Variants in SLC4A10 observed in about 807,000 individuals in gnomAD.
SLC4A10 encodes sodium-driven chloride bicarbonate exchanger.
Under a neutral mutation model 137.7 loss-of-function variants are expected in SLC4A10, and 42 were observed. The ratio of observed to expected loss-of-function variants is 0.30; its 90% CI spans 0.24 to 0.39. The LOEUF is 0.39. SLC4A10 is among the 10% of genes least tolerant of loss of function. SLC4A10 has a pLI of 1.00. For synonymous variants in SLC4A10, 474 were observed against 464.1 expected (o/e 1.02, Z -0.27); for missense variants, 925 against 1,355.0 (o/e 0.68, Z 4.98).
intron 1 of SLC4A10, among the ~76,000 whole-genome samples, chr2:161,641,251 A>G (rs1302607341): frequency 6.6e-6 from 1 of 152,094 alleles, no homozygotes; most frequent in Non-Finnish European, 1.5e-5. Context: ...ATTTTTATGT[A>G]CTTTCATTTA....
At chr2:161,889,042 C>T (rs998205972) in intron 10 of SLC4A10, among the ~76,000 whole-genome samples, 8 of 152,122 alleles carry the variant, frequency 5.3e-5, no homozygotes, top group African/African-American at 1.7e-4. Flanking sequence ...GTTGGATAAT[C>T]ATGTGGTTTT....
chr2:161,892,949 A>G (rs1481763239), intron 10 of SLC4A10, among the ~76,000 whole-genome samples: 1 of 152,100 alleles, frequency 6.6e-6, no homozygotes, highest in Non-Finnish European at 1.5e-5. Flanking sequence ...ATTTATTTCT[A>G]TCATGCTAAA....
At chr2:161,682,273 T>C (rs1032524316) in intron 1 of SLC4A10, among the ~76,000 whole-genome samples, 8 of 152,156 alleles carry the variant, frequency 5.3e-5, no homozygotes, top group Non-Finnish European at 1.0e-4. Flanking sequence ...TAATCCAGAG[T>C]TGTAAAAACT....
chr2:161,951,974 T>A (rs1694883191), intron 19 of SLC4A10, among the ~76,000 whole-genome samples: 1 of 152,164 alleles, frequency 6.6e-6, no homozygotes, highest in Non-Finnish European at 1.5e-5. Flanking sequence ...CTCACAACTT[T>A]ATGTATTTTA....
At chr2:161,747,917 T>C (rs2048548448) in intron 1 of SLC4A10, among the ~76,000 whole-genome samples, 1 of 152,162 alleles carries the variant, frequency 6.6e-6, no homozygotes, top group Non-Finnish European at 1.5e-5. Flanking sequence ...CTACCAACAG[T>C]GTACAAGGCT....
chr2:161,873,009 C>T (rs1056529846), intron 7 of SLC4A10, among the ~76,000 whole-genome samples: 22 of 152,112 alleles, frequency 1.4e-4, no homozygotes, highest in African/African-American at 4.8e-4. Flanking sequence ...CCACCCCGCC[C>T]GGCCAAGTTT....
chr2:161,888,514 T>C (rs2062560634), intron 10 of SLC4A10, among the ~76,000 whole-genome samples: 1 of 152,184 alleles, frequency 6.6e-6, no homozygotes, highest in African/African-American at 2.4e-5. Context: ...TTCACATCCC[T>C]TGTAAGTGGT....
intron 15 of SLC4A10, among the ~76,000 whole-genome samples, chr2:161,933,139 C>CTTTTTCT (rs1333715629): frequency 4.7e-5 from 7 of 148,496 alleles, no homozygotes; most frequent in Non-Finnish European, 9.0e-5. Flanking sequence ...GTTTTTCTTT[C>CTTTTTCT]TTTTCTTCTT....
intron 15 of SLC4A10, among the ~76,000 whole-genome samples, chr2:161,938,430 T>G (rs999295670): frequency 1.3e-5 from 2 of 152,000 alleles, no homozygotes; most frequent in African/African-American, 4.8e-5. Flanking sequence ...ATGGTGAGGA[T>G]TCATTACATG....
intron 26 of SLC4A10, among the ~76,000 whole-genome samples, chr2:161,980,293 T>G (rs1478002113): frequency 6.6e-6 from 1 of 151,716 alleles, no homozygotes; most frequent in Non-Finnish European, 1.5e-5. Flanking sequence ...TCCCAGATTC[T>G]TTCTTTGCTC....
chr2:161,929,880 T>C (rs1690004729), intron 15 of SLC4A10, among the ~76,000 whole-genome samples: 1 of 152,140 alleles, frequency 6.6e-6, no homozygotes, highest in Non-Finnish European at 1.5e-5. Context: ...TCCATTCTGG[T>C]TTTTAATTTT....
At chr2:161,667,827 T>C (rs1289985907) in intron 1 of SLC4A10, among the ~76,000 whole-genome samples, 1 of 151,772 alleles carries the variant, frequency 6.6e-6, no homozygotes, top group African/African-American at 2.4e-5. Flanking sequence ...TGAGGTTGTA[T>C]CTAGTTTTTT....
At chr2:161,683,979 A>G (rs1436000485) in intron 1 of SLC4A10, among the ~76,000 whole-genome samples, 1 of 152,056 alleles carries the variant, frequency 6.6e-6, no homozygotes, top group African/African-American at 2.4e-5. Flanking sequence ...ACCACCATTC[A>G]CCTCCAGAAC....
At chr2:161,777,171 T>TA (rs34013796) in intron 2 of SLC4A10, among the ~76,000 whole-genome samples, 1 of 151,510 alleles carries the variant, frequency 6.6e-6, no homozygotes, top group Non-Finnish European at 1.5e-5. Context: ...TTTAATAGGG[T>TA]AAAAAAATTT....
At chr2:161,774,296 A>G (rs959575662) in intron 2 of SLC4A10, among the ~76,000 whole-genome samples, 15 of 151,910 alleles carry the variant, frequency 9.9e-5, no homozygotes, top group Admixed American at 8.6e-4. Context: ...CCTTTAACAC[A>G]TGTCAGATAA....
At chr2:161,769,406 A>C (rs886355142) in intron 1 of SLC4A10, among the ~76,000 whole-genome samples, 2 of 151,932 alleles carry the variant, frequency 1.3e-5, no homozygotes, top group East Asian at 3.9e-4. Flanking sequence ...GGCCTACTGG[A>C]ACTTAAGTCT....
chr2:161,719,372 A>T (rs1378650956), intron 1 of SLC4A10, among the ~76,000 whole-genome samples: 1 of 152,188 alleles, frequency 6.6e-6, no homozygotes, highest in Admixed American at 6.6e-5. Flanking sequence ...ATACATGTGC[A>T]TGTGTCTTTA....
At chr2:161,690,745 C>T (rs548241854) in intron 1 of SLC4A10, among the ~76,000 whole-genome samples, 1 of 152,118 alleles carries the variant, frequency 6.6e-6, no homozygotes, top group South Asian at 2.1e-4. Flanking sequence ...ACAATGAGAA[C>T]ACATGGATAT....
At chr2:161,894,423 T>A (rs1258475464) in intron 10 of SLC4A10, among the ~76,000 whole-genome samples, 3 of 152,020 alleles carry the variant, frequency 2.0e-5, no homozygotes, top group African/African-American at 7.2e-5. Flanking sequence ...CTTCCTTTCA[T>A]CCTCCTTTTT....
Sources: allele counts gnomAD v4.1 joint callset (sites outside exome capture counted in the v4.1 genomes callset), GRCh38; gene constraint gnomAD v4.1.1; transcripts MANE v1.5; gene names NCBI Gene and HGNC (gene_info 2026-07-23, HGNC 2026-07-21).